Variants in PABPC4L observed in about 807,000 individuals in gnomAD.
PABPC4L encodes the protein polyadenylate-binding protein 4-like.
For missense variants in PABPC4L, 452 were observed against 451.4 expected, an observed-to-expected ratio of 1.00 and a Z score of -0.01; for synonymous variants, 169 against 164.1, an observed-to-expected ratio of 1.03 and a Z score of -0.23.
chr4:134,058,553 C>G, the PABPC4L span, among the ~76,000 whole-genome samples: 1,163 of 152,070 alleles, frequency 7.6e-3, 15 homozygotes, highest in African/African-American at 0.026. Context: ...TCCTATTTCT[C>G]AGTCTCATTC....
At chr4:134,056,994 A>G in the PABPC4L span, among the ~76,000 whole-genome samples, 1 of 152,252 alleles carries the variant, frequency 6.6e-6, no homozygotes, top group East Asian at 1.9e-4. Flanking sequence ...GTCTTTCATC[A>G]TTAAGTATAA....
chr4:134,007,473 A>C, the PABPC4L span, among the ~76,000 whole-genome samples: 1 of 151,712 alleles, frequency 6.6e-6, no homozygotes, highest in Non-Finnish European at 1.5e-5. Flanking sequence ...TATTGGGCTA[A>C]ATGCTTTACA....
chr4:134,201,289 C>A, intron 1 of PABPC4L, 44 bp from the exon 2 acceptor site: 1 of 1,425,084 alleles, frequency 7.0e-7, no homozygotes, highest in Non-Finnish European at 9.3e-7. Flanking sequence ...GACGTTCCTT[C>A]CCCTCAGATT....
the PABPC4L span, among the ~76,000 whole-genome samples, chr4:133,988,334 G>A: frequency 6.6e-6 from 1 of 152,152 alleles, no homozygotes; most frequent in Non-Finnish European, 1.5e-5. Context: ...TTCTGCCCAT[G>A]AGCCAGTAAA....
At chr4:133,998,463 C>G in the PABPC4L span, among the ~76,000 whole-genome samples, 4 of 151,596 alleles carry the variant, frequency 2.6e-5, no homozygotes, top group African/African-American at 9.7e-5. Flanking sequence ...TATACTATTG[C>G]AAAAATAAAA....
rs1241440254 is a variant in PABPC4L at position 134,201,137 on chromosome 4, C to T, written c.-118G>A. 2 of 1,550,038 alleles carry T rather than the reference C, an allele frequency of 1.3e-6. No homozygotes were observed. Among genetic ancestry groups the T allele is most frequent in the African/African-American group, 2.7e-5 (2 of 73,134 alleles). ...GTGTGGAGGCCTCGGGATCACCACA[C>T]AAAGGCCAAGCAATGGAGTTCAGAC... On this transcript the variant is annotated 5_prime_UTR_variant, in exon 2 of 2. The change creates a new upstream start codon in the 5' untranslated region. Coordinates refer to ENST00000421491, the MANE Select transcript of PABPC4L (RefSeq NM_001114734.2).
the PABPC4L span, among the ~76,000 whole-genome samples, chr4:134,028,747 A>G: frequency 6.6e-6 from 1 of 152,156 alleles, no homozygotes; most frequent in African/African-American, 2.4e-5. Flanking sequence ...GGAAGTAATA[A>G]TAATAATATT....
At chr4:134,179,094 T>C in the PABPC4L span, among the ~76,000 whole-genome samples, 5 of 151,976 alleles carry the variant, frequency 3.3e-5, no homozygotes, top group Admixed American at 3.3e-4. Flanking sequence ...AGTCACATAG[T>C]CATTAGATTT....
chr4:134,191,218 A>G, the PABPC4L span, among the ~76,000 whole-genome samples: 1 of 152,150 alleles, frequency 6.6e-6, no homozygotes, highest in Non-Finnish European at 1.5e-5. Context: ...ATATATACCA[A>G]TTGGATCCAT....
At chr4:134,143,465 A>G in the PABPC4L span, among the ~76,000 whole-genome samples, 2 of 150,348 alleles carry the variant, frequency 1.3e-5, no homozygotes, top group Non-Finnish European at 3.0e-5. Context: ...GTTGTTTCAC[A>G]TAGATTTTTA....
chr4:134,020,833 A>T, the PABPC4L span, among the ~76,000 whole-genome samples: 1 of 152,128 alleles, frequency 6.6e-6, no homozygotes, highest in African/African-American at 2.4e-5. Context: ...TGGGTATATA[A>T]TCTCATAATA....
the PABPC4L span, among the ~76,000 whole-genome samples, chr4:134,087,104 C>T: frequency 6.6e-6 from 1 of 152,024 alleles, no homozygotes; most frequent in South Asian, 2.1e-4. Flanking sequence ...GACTATAAAT[C>T]ATGCTGCTAT....
chr4:133,960,482 G>A, the PABPC4L span, among the ~76,000 whole-genome samples: 1 of 152,176 alleles, frequency 6.6e-6, no homozygotes, highest in Non-Finnish European at 1.5e-5. Context: ...AGGGTGTGTG[G>A]CCAGTGGCCC....
chr4:134,085,452 C>G, the PABPC4L span, among the ~76,000 whole-genome samples: 1 of 151,930 alleles, frequency 6.6e-6, no homozygotes, highest in South Asian at 2.1e-4. Context: ...CAAACACACA[C>G]GCACTAACGC....
chr4:134,168,547 G>T, the PABPC4L span, among the ~76,000 whole-genome samples: 1 of 151,336 alleles, frequency 6.6e-6, no homozygotes, highest in African/African-American at 2.4e-5. Flanking sequence ...AAAAAAGAGA[G>T]AATACCCAAA....
At chr4:134,089,640 T>C in the PABPC4L span, among the ~76,000 whole-genome samples, 1 of 152,130 alleles carries the variant, frequency 6.6e-6, no homozygotes, top group Non-Finnish European at 1.5e-5. Context: ...ACAGTTATCC[T>C]TTGAACAATA....
At chr4:133,994,103 G>C in the PABPC4L span, among the ~76,000 whole-genome samples, 7 of 152,042 alleles carry the variant, frequency 4.6e-5, no homozygotes, top group African/African-American at 1.7e-4. Flanking sequence ...ATTGTTGAAG[G>C]GGCCCCATAG....
At chr4:134,143,935 T>G in the PABPC4L span, among the ~76,000 whole-genome samples, 1 of 151,506 alleles carries the variant, frequency 6.6e-6, no homozygotes, top group African/African-American at 2.4e-5. Flanking sequence ...CATATTTTAC[T>G]TATGACAACT....
chr4:133,983,022 C>T, the PABPC4L span, among the ~76,000 whole-genome samples: 1 of 151,942 alleles, frequency 6.6e-6, no homozygotes, highest in African/African-American at 2.4e-5. Flanking sequence ...AATAGACTCA[C>T]CAACTTGTCT....
Sources: allele counts gnomAD v4.1 joint callset (sites outside exome capture counted in the v4.1 genomes callset), GRCh38; gene constraint gnomAD v4.1.1; transcripts MANE v1.5; gene names NCBI Gene and HGNC (gene_info 2026-07-23, HGNC 2026-07-21).